PMM2: variants seen among roughly 807,000 people sequenced by gnomAD.
PMM2 encodes mannose-6-phosphate isomerase.
In PMM2, 35 loss-of-function variants were observed where a neutral mutation model predicts 33.2. The ratio of observed to expected loss-of-function variants is 1.06; its 90% CI spans 0.81 to 1.40. The LOEUF (loss-of-function observed/expected upper bound fraction) is 1.40. Ranked by LOEUF, PMM2 falls within the 40% of genes most tolerant of loss-of-function variation. The probability of loss-of-function intolerance (pLI) is 0.00; values close to 1 mark genes in which losing one functional copy is unlikely to be tolerated. For synonymous variants in PMM2, 153 were observed against 114.7 expected, an observed-to-expected ratio of 1.33 and a Z score of -2.13; for missense variants, 386 against 306.0, an observed-to-expected ratio of 1.26 and a Z score of -1.95.
chr16:8,845,588 G>GT lies in PMM2; in HGVS notation c.640-2127dup, dbSNP rs148669369. ...TGGTTGTGCCTTTGGTTTTTTGTTT[G>GT]TTTTTTTTTCTTTTGAGTCTCGCTC... On this transcript the variant is annotated intron_variant, in intron 7 of 7. Coordinates refer to ENST00000268261, the MANE Select transcript of PMM2 (RefSeq NM_000303.3). 9.6e-3 allele frequency among the ~76,000 whole-genome samples: 1,448 copies of GT among 150,506 alleles called. 35 individuals are homozygous for GT. The highest frequency in any genetic ancestry group is 0.032 in the African/African-American group (1,315 of 40,996).
intron 7 of PMM2, among the ~76,000 whole-genome samples, chr16:8,839,325 G>C (rs896157268): frequency 1.7e-4 from 26 of 151,964 alleles, no homozygotes; most frequent in African/African-American, 2.4e-4. Flanking sequence ...AGGCAAAACT[G>C]GAGATGTAAA....
At chr16:8,820,841 A>G (rs930746076) in intron 7 of PMM2, among the ~76,000 whole-genome samples, 2 of 152,140 alleles carry the variant, frequency 1.3e-5, no homozygotes, top group Admixed American at 1.3e-4. Context: ...AGATTTTCCT[A>G]AGAGATTGGA....
chr16:8,815,813 C>T (rs192055693), intron 7 of PMM2, among the ~76,000 whole-genome samples: 3 of 152,132 alleles, frequency 2.0e-5, no homozygotes, highest in East Asian at 1.9e-4. Flanking sequence ...AGTTGGACAA[C>T]GTCAAACTAA....
intron 7 of PMM2, among the ~76,000 whole-genome samples, chr16:8,836,410 C>T (rs1024954161): frequency 8.6e-5 from 13 of 151,852 alleles, no homozygotes; most frequent in Non-Finnish European, 1.0e-4. Context: ...AGATGGGACG[C>T]GGCTTAGGAG....
intron 4 of PMM2, 144 bp downstream of exon 4, chr16:8,806,551 G>C: frequency 1.5e-6 from 1 of 687,374 alleles, no homozygotes; most frequent in South Asian, 1.6e-5. Context: ...CCGCCCCTTG[G>C]CAATTCTGGT....
At chr16:8,824,520 T>A (rs1319026032) in intron 7 of PMM2, among the ~76,000 whole-genome samples, 2 of 152,208 alleles carry the variant, frequency 1.3e-5, no homozygotes, top group Non-Finnish European at 2.9e-5. Flanking sequence ...TTACACAATT[T>A]TGTAACACAT....
chr16:8,843,920 C>G lies in PMM2; in HGVS notation c.640-3804C>G, dbSNP rs184444227. ...GAAAAGGAAGATTAGAAAGACTCAG[C>G]AACGCTTGGGGTTGGGACTGAGGGG... On this transcript the variant is annotated intron_variant, in intron 7 of 7. Transcript: ENST00000268261. Among the ~76,000 whole-genome samples the G allele has an allele frequency of 5.0e-3, 757 of 152,106 alleles. 8 individuals are homozygous for G. The highest frequency in any genetic ancestry group is 0.018 in the African/African-American group (733 of 41,448).
chr16:8,807,225 T>C (rs773530266), intron 4 of PMM2, among the ~76,000 whole-genome samples: 31 of 151,558 alleles, frequency 2.0e-4, no homozygotes, highest in South Asian at 6.3e-4. Flanking sequence ...CAGGCTGATA[T>C]CGAACTCCCA....
chr16:8,798,652 G>T (rs542538254), intron 1 of PMM2, among the ~76,000 whole-genome samples: 9 of 152,278 alleles, frequency 5.9e-5, no homozygotes, highest in African/African-American at 2.2e-4. Context: ...GCCTCTTTGG[G>T]CCCTTGGAAA....
intron 7 of PMM2, among the ~76,000 whole-genome samples, chr16:8,827,779 T>TGCAC (rs1466188112): frequency 1.4e-5 from 1 of 70,348 alleles, no homozygotes; most frequent in Admixed American, 1.6e-4. Flanking sequence ...TTTATATATA[T>TGCAC]ATATTTATAT....
At chr16:8,821,305 A>G (rs2060737954) in intron 7 of PMM2, among the ~76,000 whole-genome samples, 1 of 152,202 alleles carries the variant, frequency 6.6e-6, no homozygotes, top group Non-Finnish European at 1.5e-5. Flanking sequence ...GTGGGAGGCC[A>G]GGAAGCAGGG....
intron 7 of PMM2, chr16:8,832,240 T>G: frequency 1.0e-6 from 1 of 985,384 alleles, no homozygotes; most frequent in Non-Finnish European, 1.2e-6. Context: ...AAGGAAGGCC[T>G]GAGGCAGGTT....
chr16:8,832,243 G>A, intron 7 of PMM2: 3 of 985,436 alleles, frequency 3.0e-6, no homozygotes, highest in Non-Finnish European at 3.6e-6. Context: ...GAAGGCCTGA[G>A]GCAGGTTGTG....
intron 7 of PMM2, among the ~76,000 whole-genome samples, chr16:8,817,397 C>T (rs1835049419): frequency 6.6e-6 from 1 of 152,204 alleles, no homozygotes; most frequent in Non-Finnish European, 1.5e-5. Flanking sequence ...CCTTCTCTAG[C>T]TTGGTGCCAT....
intron 5 of PMM2, 77 bp from the exon 6 acceptor site, chr16:8,811,561 C>T: frequency 1.1e-6 from 1 of 899,850 alleles, no homozygotes; most frequent in African/African-American, 1.6e-5. Context: ...ATAATCCTAC[C>T]TTTGTGGCCA....
chr16:8,833,852 C>G (rs2060826876), intron 7 of PMM2, among the ~76,000 whole-genome samples: 2 of 152,042 alleles, frequency 1.3e-5, no homozygotes, highest in Non-Finnish European at 2.9e-5. Context: ...GTCCTGCCAG[C>G]AAAGATTATT....
intron 7 of PMM2, among the ~76,000 whole-genome samples, chr16:8,831,215 A>G (rs540625996): frequency 2.0e-5 from 3 of 152,366 alleles, no homozygotes; most frequent in Admixed American, 2.0e-4. Context: ...TGGAATGAAC[A>G]AGGACAGCTT....
chr16:8,814,568 G>T (rs1415074575), intron 7 of PMM2, among the ~76,000 whole-genome samples: 1 of 152,230 alleles, frequency 6.6e-6, no homozygotes, highest in Non-Finnish European at 1.5e-5. Flanking sequence ...CACAGTGGTA[G>T]TAGAGGCTTG....
chr16:8,821,225 CT>C (rs2141029737), intron 7 of PMM2, among the ~76,000 whole-genome samples: 1 of 152,310 alleles, frequency 6.6e-6, no homozygotes, highest in South Asian at 2.1e-4. Context: ...CCACAGTCAG[CT>C]TCCAGAACTG....
Sources: allele counts gnomAD v4.1 joint callset (sites outside exome capture counted in the v4.1 genomes callset), GRCh38; gene constraint gnomAD v4.1.1; transcripts MANE v1.5; gene names NCBI Gene and HGNC (gene_info 2026-07-23, HGNC 2026-07-21).